The following NDST3 variants were observed in gnomAD, a reference collection of about 807,000 sequenced individuals.
The protein encoded by NDST3 is N-deacetylase and N-sulfotransferase 3.
NDST3 carries 58 observed loss-of-function variants against 96.1 expected under a neutral mutation model. The ratio of observed to expected loss-of-function variants is 0.60; its 90% CI spans 0.49 to 0.75. The LOEUF is 0.75. Among genes scored for constraint, NDST3 ranks in the 30% least tolerant of loss-of-function variants. The probability of loss-of-function intolerance (pLI) is 0.00; values close to 1 mark genes in which losing one functional copy is unlikely to be tolerated. For synonymous variants in NDST3, 333 were observed against 359.7 expected (o/e 0.93, Z 0.84); for missense variants, 788 against 1,034.2 (o/e 0.76, Z 3.27).
chr4:118,077,859 G>T (rs1183060186), intron 2 of NDST3, among the ~76,000 whole-genome samples: 2 of 152,214 alleles, frequency 1.3e-5, no homozygotes, highest in Admixed American at 1.3e-4. Flanking sequence ...GGTAGAAGCA[G>T]TCTGCTGGGC....
intron 2 of NDST3, among the ~76,000 whole-genome samples, chr4:118,084,060 T>C (rs958363995): frequency 6.6e-6 from 1 of 152,184 alleles, no homozygotes; most frequent in African/African-American, 2.4e-5. Flanking sequence ...TTTTTGACCT[T>C]TTTTGAGGAA....
chr4:118,075,358 T>C (rs1163458845), intron 2 of NDST3, among the ~76,000 whole-genome samples: 2 of 152,234 alleles, frequency 1.3e-5, no homozygotes, highest in Admixed American at 6.5e-5. Flanking sequence ...ACAGTAAACA[T>C]ACATGTGCAG....
At chr4:118,197,204 T>A (rs1004171408) in intron 6 of NDST3, among the ~76,000 whole-genome samples, 1 of 152,160 alleles carries the variant, frequency 6.6e-6, no homozygotes, top group Non-Finnish European at 1.5e-5. Flanking sequence ...TCAGAGAATG[T>A]GCTTGATATG....
intron 6 of NDST3, among the ~76,000 whole-genome samples, chr4:118,150,173 G>T (rs1295500838): frequency 6.6e-6 from 1 of 151,836 alleles, no homozygotes; most frequent in African/African-American, 2.4e-5. Context: ...TTTTATTGAG[G>T]ATTTTTGCAT....
At chr4:118,131,875 C>G (rs189034358) in intron 4 of NDST3, among the ~76,000 whole-genome samples, 2 of 152,100 alleles carry the variant, frequency 1.3e-5, no homozygotes, top group African/African-American at 4.8e-5. Context: ...GGCAGAGATT[C>G]TTGTTCATTT....
At chr4:118,175,587 A>G (rs901074427) in intron 6 of NDST3, among the ~76,000 whole-genome samples, 6 of 151,974 alleles carry the variant, frequency 3.9e-5, no homozygotes, top group African/African-American at 1.4e-4. Flanking sequence ...TGACTCTTCT[A>G]GTAACAATTA....
intron 6 of NDST3, among the ~76,000 whole-genome samples, chr4:118,222,398 T>TG (rs1162155554): frequency 1.3e-5 from 2 of 151,406 alleles, no homozygotes; most frequent in African/African-American, 4.9e-5. Flanking sequence ...TTGTGATTCA[T>TG]GAAAAAAAAA....
chr4:118,079,209 A>G (rs943159962), intron 2 of NDST3, among the ~76,000 whole-genome samples: 1 of 152,180 alleles, frequency 6.6e-6, no homozygotes, highest in Non-Finnish European at 1.5e-5. Flanking sequence ...ACCTCTAATG[A>G]GAGGAAAAAG....
intron 4 of NDST3, among the ~76,000 whole-genome samples, chr4:118,133,471 A>G (rs967033066): frequency 7.2e-5 from 11 of 152,112 alleles, no homozygotes; most frequent in African/African-American, 2.7e-4. Flanking sequence ...GCGATTCAAG[A>G]CTGTCTCTCC....
At chr4:118,103,716 C>T (rs1261892133) in intron 2 of NDST3, among the ~76,000 whole-genome samples, 1 of 152,142 alleles carries the variant, frequency 6.6e-6, no homozygotes, top group East Asian at 1.9e-4. Context: ...CATTCTTTTG[C>T]TCCCATAGTT....
chr4:118,128,792 A>G (rs1732346277), intron 4 of NDST3, among the ~76,000 whole-genome samples: 1 of 151,938 alleles, frequency 6.6e-6, no homozygotes, highest in African/African-American at 2.4e-5. Context: ...TTTGGTAGAA[A>G]TCAGCAGTGT....
intron 6 of NDST3, among the ~76,000 whole-genome samples, chr4:118,211,065 C>T (rs1738761219): frequency 6.6e-6 from 1 of 152,172 alleles, no homozygotes; most frequent in Non-Finnish European, 1.5e-5. Context: ...ATCAGACTTT[C>T]TTCCCAGCCT....
rs1578644781 is a variant in NDST3, at chr4:118,104,403, T to C, written c.982-615T>C. Reference sequence around the variant, plus strand: ...AGAAAAGTACATTAAATACTCAGCATGGTAAATATTTTATAGGATATAACA... The same window carrying C: ...AGAAAAGTACATTAAATACTCAGCACGGTAAATATTTTATAGGATATAACA... On this transcript the variant is annotated intron_variant, in intron 2 of 13. Coordinates refer to ENST00000296499, the MANE Select transcript of NDST3 (RefSeq NM_004784.3). 2.0e-5 allele frequency among the ~76,000 whole-genome samples: 3 copies of C among 152,294 alleles called. No homozygotes were observed. The South Asian group carries it at 6.2e-4, about 32-fold the overall frequency.
chr4:118,105,200 T>A, intron 3 of NDST3, 95 bp downstream of exon 3: 2 of 785,052 alleles, frequency 2.5e-6, no homozygotes, highest in Non-Finnish European at 4.1e-6. Flanking sequence ...CTACATTCCC[T>A]ATGTTCCTCC....
At position 118,054,021 on chromosome 4, in the gene NDST3, C is replaced by T. The variant is rs771544616; in HGVS notation, c.111C>T (p.Tyr37=). The T allele has an allele frequency of 1.2e-6, 2 of 1,612,826 alleles. No homozygotes were observed. The highest frequency in any genetic ancestry group is 1.1e-5 in the South Asian group (1 of 91,050). The change falls in exon 2 of 14, where the codon TAC becomes TAT. Residue 37 remains tyrosine, a synonymous_variant. Transcript: ENST00000296499. ...CTGCTTACTACCTGTACAGTGGCTA[C>T]AAACAGGAAAATGAACTCTCTGAGA... The part of the protein sequence containing the change: ...IISAYYLYSG[Y]KQENELSETA...
chr4:118,105,049 C>T lies in NDST3; in HGVS notation c.1013C>T (p.Ala338Val). 1.2e-6 allele frequency: 2 copies of T among 1,613,396 alleles called. No homozygotes were observed. Among genetic ancestry groups the T allele is most frequent in the South Asian group, 2.2e-5 (2 of 91,030 alleles). Reference protein sequence around the residue: ...ALLDTQNLLRAQITNFTFNLG... With the variant: ...ALLDTQNLLRVQITNFTFNLG... ...CTTGATACTCAGAATCTTTTGCGTG[C>T]ACAAATCACAAATTTTACATTCAAC... Residue 338 changes from alanine (A) to valine (V), a missense_variant, in exon 3 of 14, where the codon GCA becomes GTA. Around this residue, in one of 3 missense-constraint regions of NDST3, gnomAD observed 490 missense variants for 708.8 expected, o/e 0.69. Coordinates refer to ENST00000296499, the MANE Select transcript of NDST3 (RefSeq NM_004784.3).
chr4:118,173,867 T>C (rs1020617376), intron 6 of NDST3, among the ~76,000 whole-genome samples: 3 of 152,148 alleles, frequency 2.0e-5, no homozygotes, highest in Non-Finnish European at 4.4e-5. Context: ...AGAATTCCAG[T>C]AGAAGATCTA....
chr4:118,144,318 C>T (rs1398968187), intron 6 of NDST3, among the ~76,000 whole-genome samples: 1 of 151,900 alleles, frequency 6.6e-6, no homozygotes, highest in East Asian at 1.9e-4. Context: ...GTAGCTGGGA[C>T]CACAGGCACC....
intron 6 of NDST3, among the ~76,000 whole-genome samples, chr4:118,152,976 A>G (rs1734496525): frequency 6.6e-6 from 1 of 152,116 alleles, no homozygotes; most frequent in Non-Finnish European, 1.5e-5. Context: ...TTCTTGGTTC[A>G]TATCCCCACA....
Sources: allele counts gnomAD v4.1 joint callset (sites outside exome capture counted in the v4.1 genomes callset), GRCh38; gene constraint gnomAD v4.1.1; regional missense constraint gnomAD v4.1.1; transcripts MANE v1.5; gene names NCBI Gene and HGNC (gene_info 2026-07-23, HGNC 2026-07-21).